Variants in AQP11 observed in about 807,000 individuals in gnomAD.
AQP11 encodes aquaporin-11.
In AQP11, 20 loss-of-function variants were observed where a neutral mutation model predicts 21.1. The observed-to-expected ratio is 0.95, with a 90% CI of 0.67 to 1.38. The LOEUF (loss-of-function observed/expected upper bound fraction) is 1.38. AQP11 is among the 40% of genes most tolerant of loss of function. AQP11 has a pLI of 0.00. For missense variants in AQP11, 339 were observed against 340.4 expected (o/e 1.00, Z 0.03); for synonymous variants, 167 against 150.1 (o/e 1.11, Z -0.82).
chr11:77,594,074 G>A (rs1958764663), intron 1 of AQP11, among the ~76,000 whole-genome samples: 1 of 152,120 alleles, frequency 6.6e-6, no homozygotes, highest in African/African-American at 2.4e-5. Flanking sequence ...GGAGGAATGG[G>A]GACTTATTGT....
chr11:77,599,759 AT>A (rs1313679234), intron 1 of AQP11, among the ~76,000 whole-genome samples: 1 of 146,920 alleles, frequency 6.8e-6, no homozygotes, highest in Non-Finnish European at 1.5e-5. Flanking sequence ...CAATTTTTGT[AT>A]TTTTTGTAGA....
chr11:77,603,235 T>C (rs779628138), intron 1 of AQP11, among the ~76,000 whole-genome samples: 2 of 152,252 alleles, frequency 1.3e-5, no homozygotes, highest in Non-Finnish European at 2.9e-5. Context: ...TTCATTTAAA[T>C]TGACAAATGT....
intron 2 of AQP11, among the ~76,000 whole-genome samples, chr11:77,608,568 A>G (rs565646762): frequency 8.5e-5 from 13 of 152,202 alleles, no homozygotes; most frequent in Non-Finnish European, 1.3e-4. Context: ...AGCCAAGATC[A>G]CACCACTTCA....
chr11:77,592,060 G>A (rs1254970016), intron 1 of AQP11, among the ~76,000 whole-genome samples: 3 of 152,152 alleles, frequency 2.0e-5, no homozygotes, highest in Non-Finnish European at 2.9e-5. Context: ...GAGCCCAGGC[G>A]TTCGAGACTA....
chr11:77,590,474 T>C lies in AQP11; in HGVS notation c.482T>C (p.Val161Ala). Residue 161 changes from valine to alanine, a missense_variant, in exon 1 of 3, where the codon GTC becomes GCC. Val to Ala is a moderately conservative substitution (Grantham distance 64). Coordinates refer to ENST00000313578, the MANE Select transcript of AQP11 (RefSeq NM_173039.3). Reference sequence around the variant, plus strand: ...TTCGCTTGCAAGAATCCCATCCGAGTCGACTTGCTCAAAGCGGTCATCACA... The same window carrying C: ...TTCGCTTGCAAGAATCCCATCCGAGCCGACTTGCTCAAAGCGGTCATCACA... Reference protein sequence around the residue: ...RSFACKNPIRVDLLKAVITEA... With the variant: ...RSFACKNPIRADLLKAVITEA... The C allele has an allele frequency of 1.2e-6, 2 of 1,614,028 alleles. No homozygotes were observed. Among genetic ancestry groups the C allele is most frequent in the South Asian group, 1.1e-5 (1 of 91,068 alleles).
chr11:77,606,394 G>GT (rs1251978218), intron 2 of AQP11, among the ~76,000 whole-genome samples: 6 of 152,154 alleles, frequency 3.9e-5, no homozygotes, highest in Admixed American at 1.3e-4. Flanking sequence ...AGTGTGATAG[G>GT]TTGGGGAAAG....
chr11:77,600,869 G>A (rs954350737), intron 1 of AQP11, among the ~76,000 whole-genome samples: 14 of 152,102 alleles, frequency 9.2e-5, no homozygotes, highest in East Asian at 1.9e-4. Flanking sequence ...AAAATTAGCC[G>A]GGCGTGGTGG....
Position 77,590,427 on chromosome 11 carries a change from G to T in AQP11, c.435G>T (p.Gln145His), listed in dbSNP as rs117458417. The change falls in exon 1 of 3, where the codon CAG becomes CAT. Residue 145 changes from glutamine (Q) to histidine (H), a missense_variant. Physicochemically the swap from Gln to His is conservative, Grantham distance 24 (BLOSUM62 0). Transcript: ENST00000313578. ...CCTTGTGGAGCTTGGGTCTGACCCA[G>T]TATCACGTCAGCGAGAGGAGCTTCG... ...TSALWSLGLT[Q>H]YHVSERSFAC... 9,299 of 1,614,088 alleles carry T rather than the reference G, an allele frequency of 5.8e-3. 40 individuals carry two copies. Among genetic ancestry groups the T allele is most frequent in the Middle Eastern group, 8.2e-3 (50 of 6,062 alleles).
chr11:77,609,382 T>C lies in AQP11; in HGVS notation c.*5T>C. ...ACAATTAATAAAAAGGAATAACTGT[T>C]CCAAAGACTCAGACTAACATACAGG... On this transcript the variant is annotated 3_prime_UTR_variant, in exon 3 of 3. Transcript: ENST00000313578. The C allele has an allele frequency of 1.2e-6, 2 of 1,607,966 alleles. No homozygotes were observed. The highest frequency in any genetic ancestry group is 1.7e-6 in the Non-Finnish European group (2 of 1,175,898).
intron 2 of AQP11, 75 bp downstream of exon 2, chr11:77,603,747 A>T: frequency 9.0e-7 from 1 of 1,106,276 alleles, no homozygotes; most frequent in South Asian, 2.0e-5. Flanking sequence ...TCATTGTAAC[A>T]TGTCAATTTC....
At chr11:77,602,772 A>C (rs1407952646) in intron 1 of AQP11, among the ~76,000 whole-genome samples, 1 of 152,208 alleles carries the variant, frequency 6.6e-6, no homozygotes, top group Non-Finnish European at 1.5e-5. Flanking sequence ...CTCTGTGGCT[A>C]AGTAAAAGAG....
At chr11:77,601,747 T>C (rs1300092195) in intron 1 of AQP11, among the ~76,000 whole-genome samples, 3 of 152,228 alleles carry the variant, frequency 2.0e-5, no homozygotes, top group Non-Finnish European at 4.4e-5. Flanking sequence ...TGACCAGTGG[T>C]GAGGCTGGAA....
chr11:77,601,097 C>A (rs952702826), intron 1 of AQP11, among the ~76,000 whole-genome samples: 1 of 151,782 alleles, frequency 6.6e-6, no homozygotes, highest in African/African-American at 2.4e-5. Context: ...AACTTAGGGA[C>A]AGTTTTCCCC....
At chr11:77,597,929 T>C (rs1445144735) in intron 1 of AQP11, among the ~76,000 whole-genome samples, 1 of 151,936 alleles carries the variant, frequency 6.6e-6, no homozygotes, top group Non-Finnish European at 1.5e-5. Flanking sequence ...TTAGTAGAGA[T>C]GGGGTTTCAC....
chr11:77,590,668 TA>T, intron 1 of AQP11, 57 bp downstream of exon 1: 1 of 1,541,990 alleles, frequency 6.5e-7, no homozygotes. Flanking sequence ...CATGAGGCTG[TA>T]AGTTCTTTAC....
At chr11:77,605,989 G>C (rs1448707430) in intron 2 of AQP11, among the ~76,000 whole-genome samples, 1 of 141,872 alleles carries the variant, frequency 7.0e-6, no homozygotes, top group Non-Finnish European at 1.5e-5. Context: ...GTTGCAGTGA[G>C]CCGAGATCGC....
intron 1 of AQP11, among the ~76,000 whole-genome samples, chr11:77,599,386 A>G (rs1015432943): frequency 6.6e-6 from 1 of 151,910 alleles, no homozygotes; most frequent in Non-Finnish European, 1.5e-5. Context: ...CATGATTTAC[A>G]TTAGGTATTT....
intron 2 of AQP11, among the ~76,000 whole-genome samples, chr11:77,604,831 A>C (rs1011740583): frequency 1.3e-5 from 2 of 152,236 alleles, no homozygotes; most frequent in Non-Finnish European, 2.9e-5. Flanking sequence ...TTTAAATGCT[A>C]GTAATATAAC....
At chr11:77,601,103 T>TC (rs1015708843) in intron 1 of AQP11, among the ~76,000 whole-genome samples, 4 of 152,076 alleles carry the variant, frequency 2.6e-5, no homozygotes, top group Non-Finnish European at 4.4e-5. Flanking sequence ...GGGACAGTTT[T>TC]CCCCCCAGGG....
Sources: allele counts gnomAD v4.1 joint callset (sites outside exome capture counted in the v4.1 genomes callset), GRCh38; gene constraint gnomAD v4.1.1; transcripts MANE v1.5; gene names NCBI Gene and HGNC (gene_info 2026-07-23, HGNC 2026-07-21).